Variants in SPTB observed in about 807,000 individuals in gnomAD.
SPTB encodes the protein spectrin beta, erythrocytic, also known as spectrin beta chain, erythrocytic.
In SPTB, 45 loss-of-function variants were observed where a neutral mutation model predicts 256.2. The observed-to-expected ratio is 0.18, with a 90% CI of 0.14 to 0.23. SPTB has a LOEUF of 0.23. Among genes scored for constraint, SPTB ranks in the 10% least tolerant of loss-of-function variants. The probability of loss-of-function intolerance (pLI) is 1.00; values close to 1 mark genes in which losing one functional copy is unlikely to be tolerated. For missense variants in SPTB, 2,715 were observed against 3,040.4 expected (o/e 0.89, Z 2.52); for synonymous variants, 1,231 against 1,243.1 (o/e 0.99, Z 0.21).
At chr14:64,800,061 G>T (rs1413362630) in intron 8 of SPTB, 127 bp from the exon 9 acceptor site, 1 of 1,227,698 alleles carries the variant, frequency 8.1e-7, no homozygotes, top group Non-Finnish European at 1.2e-6. Context: ...AGTGCTCTAG[G>T]CTGGGTTTGT....
In SPTB at chr14:64,760,504, G is replaced by A. The variant is rs149138047; in HGVS notation, c.6345+6222C>T. ...GCATTTACAAGCAAAGAACACAGGC[G>A]ACAAGGTCTTCTCTCTAAAGGTAAC... On this transcript the variant is annotated intron_variant, in intron 32 of 35. Coordinates refer to ENST00000644917, the MANE Select transcript of SPTB (RefSeq NM_001355436.2). The surrounding 1 kb of genome is among the most constrained non-coding windows in gnomAD (Gnocchi z 4.3). 5.9e-5 allele frequency among the ~76,000 whole-genome samples: 9 copies of A among 152,266 alleles called. No individual in the cohort carries two copies. Among genetic ancestry groups the A allele is most frequent in the Middle Eastern group, 6.8e-3 (2 of 294 alleles).
chr14:64,832,999 G>A (rs931868067), intron 1 of SPTB, among the ~76,000 whole-genome samples: 1 of 152,184 alleles, frequency 6.6e-6, no homozygotes, highest in African/African-American at 2.4e-5. Context: ...CTCTATCTCA[G>A]AAGGAAGTTT....
chr14:64,834,497 C>T (rs2083492030), intron 1 of SPTB, among the ~76,000 whole-genome samples: 1 of 151,702 alleles, frequency 6.6e-6, no homozygotes, highest in Non-Finnish European at 1.5e-5. Flanking sequence ...ATGATCTCTA[C>T]TCACTGCAAT....
chr14:64,774,679 C>T (rs543767659), intron 23 of SPTB, 152 bp from the exon 24 acceptor site: 2 of 1,208,846 alleles, frequency 1.7e-6, no homozygotes, highest in Admixed American at 2.0e-5. Flanking sequence ...TCCTTCCTGC[C>T]CTTCTGATTT....
intron 1 of SPTB, among the ~76,000 whole-genome samples, chr14:64,842,509 C>T (rs1352471048): frequency 6.6e-6 from 1 of 152,154 alleles, no homozygotes; most frequent in Non-Finnish European, 1.5e-5. Context: ...TACTTATAGT[C>T]CGTAAGCCTC....
intron 10 of SPTB, among the ~76,000 whole-genome samples, chr14:64,797,086 G>A (rs1446721876): frequency 6.6e-6 from 1 of 152,140 alleles, no homozygotes; most frequent in Non-Finnish European, 1.5e-5. Flanking sequence ...AATGTCATAG[G>A]CATTTCCCTT....
At chr14:64,879,567 G>C (rs1883009410) in intron 1 of SPTB, among the ~76,000 whole-genome samples, 1 of 152,214 alleles carries the variant, frequency 6.6e-6, no homozygotes, top group Non-Finnish European at 1.5e-5. Flanking sequence ...GCCCGCGCGC[G>C]TTCCCGCGTC....
Position 64,803,763 on chromosome 14 carries a change from C to T in SPTB, c.318G>A (p.Gly106=). 1 of 1,612,608 alleles carries T rather than the reference C, an allele frequency of 6.2e-7. No homozygotes were observed. Among genetic ancestry groups the T allele is most frequent in the Non-Finnish European group, 8.5e-7 (1 of 1,179,246 alleles). Residue 106 remains glycine, a synonymous_variant, in exon 4 of 36, where the codon GGG becomes GGA. Transcript: ENST00000644917. ...SGEMLPKPTK[G]KMRIHCLENV... ...TCTCCAGGCAGTGGATGCGCATCTT[C>T]CCCTTGGTGGGCTTTGGCTGGGGGA...
At chr14:64,833,894 T>A (rs2083484081) in intron 1 of SPTB, among the ~76,000 whole-genome samples, 1 of 152,176 alleles carries the variant, frequency 6.6e-6, no homozygotes, top group African/African-American at 2.4e-5. Flanking sequence ...ACACACCATG[T>A]GGAGGCCCAT....
In SPTB at chr14:64,802,916, T is replaced by C. The variant is rs1442108474; in HGVS notation, c.475-599A>G. 6.6e-6 allele frequency among the ~76,000 whole-genome samples: 1 copy of C among 152,214 alleles called. No homozygotes were observed. The highest frequency in any genetic ancestry group is 6.5e-5 in the Admixed American group (1 of 15,290). ...CCTTGAGGCTGTGGAACAACATGAA[T>C]GCTGATGAGTACTATACTTTCATTA... On this transcript the variant is annotated intron_variant, in intron 4 of 35. Coordinates refer to ENST00000644917, the MANE Select transcript of SPTB (RefSeq NM_001355436.2). This position sits in a 1 kb window ranked among gnomAD's most constrained non-coding sequence, Gnocchi z 5.1.
rs760218658 is a variant in SPTB at position 64,787,165 on chromosome 14, C to T, written c.2805-5G>A. 2.0e-4 allele frequency: 314 copies of T among 1,603,106 alleles called. No homozygotes were observed. Among genetic ancestry groups the T allele is most frequent in the Non-Finnish European group, 2.2e-4 (264 of 1,179,972 alleles). ...AGGGTCTGAAATGCCTGCCACCTGC[C>T]GGATGGGGACACAGCCCGGAGGAGA... On this transcript the variant is annotated splice_region_variant and splice_polypyrimidine_tract_variant and intron_variant, in intron 15 of 35. Transcript: ENST00000644917.
Position 64,785,377 on chromosome 14 carries a change from G to T in SPTB, c.3855+160C>A, listed in dbSNP as rs17767466. ...AAAAAAAAAAAACAGTGCAACTGAA[G>T]ATTCCAGAGAATGACCCAATTAAGT... On this transcript the variant is annotated intron_variant, in intron 18 of 35. Transcript: ENST00000644917. This position sits in a 1 kb window ranked among gnomAD's most constrained non-coding sequence, Gnocchi z 4.4. Among the ~76,000 whole-genome samples, 8,813 of 151,924 alleles carry T rather than the reference G, an allele frequency of 0.058. 318 individuals are homozygous for T. Among genetic ancestry groups the T allele is most frequent in the Non-Finnish European group, 0.09 (6,110 of 67,958 alleles).
Position 64,799,886 on chromosome 14 carries a change from C to A in SPTB, c.925G>T (p.Gly309Trp), listed in dbSNP as rs199658725. The change falls in exon 9 of 36, where the codon GGG (glycine) becomes TGG (tryptophan). Residue 309 changes from glycine (G) to tryptophan (W), a missense_variant. Coordinates refer to ENST00000644917, the MANE Select transcript of SPTB (RefSeq NM_001355436.2). Reference protein sequence around the residue: ...ETEKMIEKYSGLASDLLTWIE... With the variant: ...ETEKMIEKYSWLASDLLTWIE... ...CAGGTGAGCAGGTCCGAGGCTAGCCCGCTGTACTTTTCAATCATCTTCTCA... is the reference window on the plus strand; with the variant it reads ...CAGGTGAGCAGGTCCGAGGCTAGCCAGCTGTACTTTTCAATCATCTTCTCA... 10 of 1,614,224 alleles carry A rather than the reference C, an allele frequency of 6.2e-6. No individual in the cohort carries two copies. Among genetic ancestry groups the A allele is most frequent in the Non-Finnish European group, 5.1e-6 (6 of 1,180,046 alleles).
intron 1 of SPTB, among the ~76,000 whole-genome samples, chr14:64,864,312 G>T (rs1171312957): frequency 6.6e-6 from 1 of 151,692 alleles, no homozygotes; most frequent in African/African-American, 2.4e-5. Flanking sequence ...GGCCAGGTGT[G>T]GTGGTGCATG....
intron 2 of SPTB, among the ~76,000 whole-genome samples, chr14:64,819,259 A>G (rs1395097909): frequency 6.6e-6 from 1 of 152,208 alleles, no homozygotes; most frequent in Non-Finnish European, 1.5e-5. Flanking sequence ...TTGTTTCTTT[A>G]GGTCCAGGAA....
chr14:64,835,868 A>T (rs1223791107), intron 1 of SPTB, among the ~76,000 whole-genome samples: 1 of 152,188 alleles, frequency 6.6e-6, no homozygotes, highest in East Asian at 1.9e-4. Context: ...CAGAAGACCT[A>T]AGTTGAAATC....
chr14:64,810,918 C>G (rs1271451632), intron 2 of SPTB, among the ~76,000 whole-genome samples: 4 of 152,086 alleles, frequency 2.6e-5, no homozygotes, highest in African/African-American at 9.7e-5. Flanking sequence ...GAGTTTGAGA[C>G]TAGCCTGGCA....
intron 1 of SPTB, among the ~76,000 whole-genome samples, chr14:64,836,911 G>A (rs2083531826): frequency 6.6e-6 from 1 of 152,224 alleles, no homozygotes; most frequent in Non-Finnish European, 1.5e-5. Context: ...AAGGAGGTAT[G>A]TCTTTTGAGA....
intron 1 of SPTB, among the ~76,000 whole-genome samples, chr14:64,859,032 G>T (rs953737850): frequency 6.6e-6 from 1 of 152,132 alleles, no homozygotes; most frequent in Non-Finnish European, 1.5e-5. Context: ...GTTGAGGCAG[G>T]TGGAGCACTT....
Sources: allele counts gnomAD v4.1 joint callset (sites outside exome capture counted in the v4.1 genomes callset), GRCh38; gene constraint gnomAD v4.1.1; non-coding constraint Gnocchi (gnomAD v3.1); transcripts MANE v1.5; gene names NCBI Gene and HGNC (gene_info 2026-07-23, HGNC 2026-07-21).